MED13: variants seen among roughly 807,000 people sequenced by gnomAD.
MED13 encodes the protein mediator complex subunit 13.
Under a neutral mutation model 225.2 loss-of-function variants are expected in MED13, and 23 were observed. The ratio of observed to expected loss-of-function variants is 0.10; its 90% CI spans 0.07 to 0.14. The LOEUF (loss-of-function observed/expected upper bound fraction) is 0.14. MED13 is among the 10% of genes least tolerant of loss of function. MED13 has a pLI of 1.00. For missense variants in MED13, 2,197 were observed against 2,594.5 expected, an observed-to-expected ratio of 0.85 and a Z score of 3.33; for synonymous variants, 942 against 889.2, an observed-to-expected ratio of 1.06 and a Z score of -1.06.
chr17:61,960,061 G>A (rs925701360), intron 23 of MED13, among the ~76,000 whole-genome samples: 13 of 152,088 alleles, frequency 8.5e-5, no homozygotes, highest in African/African-American at 2.9e-4. Context: ...ATCATTTCAC[G>A]AATTTGCTTT....
At chr17:61,999,546 T>TATA (rs1424482202) in intron 9 of MED13, among the ~76,000 whole-genome samples, 3 of 152,218 alleles carry the variant, frequency 2.0e-5, no homozygotes, top group African/African-American at 7.2e-5. Flanking sequence ...GTGTATCTTA[T>TATA]ATATGGGTTA....
chr17:62,049,078 CAAA>C (rs890393330), intron 3 of MED13, among the ~76,000 whole-genome samples: 13 of 45,314 alleles, frequency 2.9e-4, no homozygotes, highest in East Asian at 8.3e-4. Context: ...GTAAATAAGA[CAAA>C]AAAAAAAAAA....
intron 20 of MED13, among the ~76,000 whole-genome samples, chr17:61,963,494 G>A (rs571778986): frequency 1.3e-5 from 2 of 151,856 alleles, no homozygotes; most frequent in East Asian, 1.9e-4. Flanking sequence ...TTTTTGAGAT[G>A]GGAGTCTCAC....
intron 10 of MED13, among the ~76,000 whole-genome samples, chr17:61,994,224 C>A (rs2080328596): frequency 6.6e-6 from 1 of 152,066 alleles, no homozygotes; most frequent in African/African-American, 2.4e-5. Context: ...CTCTCGAACT[C>A]CAGACCTAGT....
intron 26 of MED13, among the ~76,000 whole-genome samples, chr17:61,953,641 G>A (rs917727918): frequency 6.6e-6 from 1 of 152,200 alleles, no homozygotes; most frequent in Non-Finnish European, 1.5e-5. Flanking sequence ...CAATCCTGCT[G>A]ATATTTTGAC....
intron 23 of MED13, among the ~76,000 whole-genome samples, chr17:61,960,662 A>G (rs2079990641): frequency 6.6e-6 from 1 of 152,082 alleles, no homozygotes; most frequent in African/African-American, 2.4e-5. Context: ...TTTTTTGTTC[A>G]TATAATAGAT....
chr17:62,052,413 ACT>A (rs765851964), intron 3 of MED13, 122 bp downstream of exon 3: 31 of 608,130 alleles, frequency 5.1e-5, no homozygotes, highest in Non-Finnish European at 7.6e-5. Flanking sequence ...TGTATCTAGT[ACT>A]CTGTCACTGA....
intron 22 of MED13, among the ~76,000 whole-genome samples, chr17:61,961,366 C>T (rs1412529753): frequency 6.6e-6 from 1 of 151,344 alleles, no homozygotes; most frequent in Admixed American, 6.6e-5. Context: ...CTCCCACACA[C>T]AAAATTAGCT....
chr17:61,997,426 A>C (rs947640226), intron 9 of MED13, among the ~76,000 whole-genome samples: 4 of 152,166 alleles, frequency 2.6e-5, no homozygotes, highest in African/African-American at 9.6e-5. Context: ...GCTGAGTATC[A>C]AGTGTAGTTT....
At chr17:62,035,044 C>T (rs1226970658) in intron 4 of MED13, among the ~76,000 whole-genome samples, 1 of 152,092 alleles carries the variant, frequency 6.6e-6, no homozygotes, top group Non-Finnish European at 1.5e-5. Context: ...TTGCTTGAAT[C>T]CGGGAGGTGG....
In MED13 at chr17:62,011,173, C is replaced by T. The variant is rs540937063; in HGVS notation, c.1344G>A (p.Gln448=). 5.3e-5 allele frequency: 85 copies of T among 1,614,026 alleles called. No homozygotes were observed. The highest frequency in any genetic ancestry group is 7.1e-5 in the Non-Finnish European group (84 of 1,180,034). The part of the protein sequence containing the change: ...GQQGQAPSLG[Q]QQQILPKHKT... ...TGTGCTTAGGAAGTATTTGTTGTTG[C>T]TGACCTAAAGATGGTGCCTGTCCTT... The change falls in exon 9 of 30, where the codon CAG becomes CAA. Residue 448 remains glutamine (Q), a synonymous_variant. Transcript: ENST00000397786.
At chr17:62,019,605 TA>T (rs2080617635) in intron 8 of MED13, among the ~76,000 whole-genome samples, 1 of 152,290 alleles carries the variant, frequency 6.6e-6, no homozygotes, top group East Asian at 1.9e-4. Context: ...CTATTAAGAG[TA>T]AGAAACTATT....
intron 23 of MED13, among the ~76,000 whole-genome samples, chr17:61,959,062 A>C (rs1251647354): frequency 6.6e-6 from 1 of 151,288 alleles, no homozygotes; most frequent in Non-Finnish European, 1.5e-5. Context: ...AGAGTGCAAT[A>C]GCACAATCTC....
chr17:62,035,447 T>C lies in MED13; in HGVS notation c.616+16A>G, dbSNP rs1479432793. 3.2e-6 allele frequency: 5 copies of C among 1,573,184 alleles called. No homozygotes were observed. In the Admixed American group the frequency reaches 5.8e-5, roughly 18 times the overall value. On this transcript the variant is annotated intron_variant, in intron 4 of 29. Transcript: ENST00000397786. ...TCAATAAAAGATCAAATACCTAATA[T>C]AATAAAATAATCTACCTTGAAATGG...
At chr17:62,023,945 G>A (rs897473216) in intron 8 of MED13, among the ~76,000 whole-genome samples, 6 of 152,120 alleles carry the variant, frequency 3.9e-5, no homozygotes, top group Admixed American at 6.5e-5. Flanking sequence ...CAAGTCACAC[G>A]TATCGATTAT....
At chr17:62,057,801 A>T (rs1052626834) in intron 2 of MED13, among the ~76,000 whole-genome samples, 2 of 152,244 alleles carry the variant, frequency 1.3e-5, no homozygotes, top group Non-Finnish European at 2.9e-5. Flanking sequence ...GCCAGGAAAA[A>T]GAACAAATAT....
chr17:62,010,498 G>T, intron 9 of MED13, 52 bp downstream of exon 9: 1 of 1,191,422 alleles, frequency 8.4e-7, no homozygotes, highest in Non-Finnish European at 1.1e-6. Flanking sequence ...TTAAGAACTT[G>T]CATCACTTCC....
Position 61,964,662 on chromosome 17 carries a change from G to A in MED13, c.4844+344C>T, listed in dbSNP as rs551087746. On this transcript the variant is annotated intron_variant, in intron 20 of 29. Coordinates refer to ENST00000397786, the MANE Select transcript of MED13 (RefSeq NM_005121.3). The stretch of plus-strand genomic sequence containing the variant: ...TAGAAAAAAAGCAGCATGGCTGGGC[G>A]TGGTGGCTCACGTCTGTAATCCCAG... 9.1e-4 allele frequency among the ~76,000 whole-genome samples: 138 copies of A among 152,276 alleles called. 1 individual carries two copies. Among genetic ancestry groups the A allele is most frequent in the Non-Finnish European group, 3.7e-4 (25 of 68,024 alleles).
intron 16 of MED13, among the ~76,000 whole-genome samples, chr17:61,975,828 C>T (rs2080150691): frequency 6.6e-6 from 1 of 152,058 alleles, no homozygotes; most frequent in South Asian, 2.1e-4. Flanking sequence ...CCAGCCTGGC[C>T]AACATGGTGA....
Sources: allele counts gnomAD v4.1 joint callset (sites outside exome capture counted in the v4.1 genomes callset), GRCh38; gene constraint gnomAD v4.1.1; transcripts MANE v1.5; gene names NCBI Gene and HGNC (gene_info 2026-07-23, HGNC 2026-07-21).